The following KIF27 variants were observed in gnomAD, a reference collection of about 807,000 sequenced individuals.
The protein encoded by KIF27 is kinesin-like protein KIF27.
In KIF27, 84 loss-of-function variants were observed where a neutral mutation model predicts 141.8. The observed-to-expected ratio is 0.59, with a 90% confidence interval of 0.50 to 0.71. The LOEUF is 0.71. KIF27 is among the 30% of genes least tolerant of loss of function. The probability of loss-of-function intolerance (pLI) is 0.00; values close to 1 mark genes in which losing one functional copy is unlikely to be tolerated. For synonymous variants in KIF27, 471 were observed against 569.5 expected, an observed-to-expected ratio of 0.83 and a Z score of 2.46; for missense variants, 1,306 against 1,628.4, an observed-to-expected ratio of 0.80 and a Z score of 3.41.
At chr9:83,902,180 CTAGA>C (rs1216556494) in intron 4 of KIF27, among the ~76,000 whole-genome samples, 5 of 151,918 alleles carry the variant, frequency 3.3e-5, no homozygotes, top group African/African-American at 9.7e-5. Flanking sequence ...ATATGTCTAG[CTAGA>C]TAGAGAAATA....
At chr9:83,919,534 G>C (rs1332394374) in intron 1 of KIF27, among the ~76,000 whole-genome samples, 1 of 151,682 alleles carries the variant, frequency 6.6e-6, no homozygotes, top group Non-Finnish European at 1.5e-5. Context: ...CAGACAACTA[G>C]ACTGAAATAA....
intron 9 of KIF27, among the ~76,000 whole-genome samples, chr9:83,885,717 G>C (rs1952042547): frequency 6.6e-6 from 1 of 152,018 alleles, no homozygotes; most frequent in South Asian, 2.1e-4. Context: ...CTGCAGCCTT[G>C]ACCTCTGGGG....
At chr9:83,889,596 C>T (rs1797536685) in intron 6 of KIF27, among the ~76,000 whole-genome samples, 2 of 151,180 alleles carry the variant, frequency 1.3e-5, no homozygotes, top group Admixed American at 6.6e-5. Context: ...CAAATGTACC[C>T]TCTTCCCCAT....
rs2780136 is a variant in KIF27, at chr9:83,835,879, G to A, written c.*1122C>T. Among the ~76,000 whole-genome samples the A allele has an allele frequency of 3.9e-5, 6 of 152,126 alleles. No homozygotes were observed. The highest frequency in any genetic ancestry group is 8.8e-5 in the Non-Finnish European group (6 of 68,028). ...GGAAAAGTAACAAAGAACAACATAA[G>A]TAACAAAATAATTCCTCAGGTCATT... On this transcript the variant is annotated 3_prime_UTR_variant, in exon 18 of 18. Transcript: ENST00000297814.
intron 4 of KIF27, among the ~76,000 whole-genome samples, 189 bp from the exon 5 acceptor site, chr9:83,899,993 C>T (rs1033558737): frequency 3.9e-5 from 6 of 152,162 alleles, no homozygotes; most frequent in African/African-American, 1.4e-4. Context: ...ATTGCTATAA[C>T]ACAGGAATTC....
chr9:83,908,448 T>C lies in KIF27; in HGVS notation c.499+4A>G, dbSNP rs749731090. ...AAGGCAACTGATTAAGTGTGCTACTTTACCTGTGTTTCCTTTTTCATCTTC... is the reference window on the plus strand; with the variant it reads ...AAGGCAACTGATTAAGTGTGCTACTCTACCTGTGTTTCCTTTTTCATCTTC... On this transcript the variant is annotated splice_donor_region_variant and intron_variant, in intron 3 of 17. Coordinates refer to ENST00000297814, the MANE Select transcript of KIF27 (RefSeq NM_017576.4). The C allele has an allele frequency of 3.1e-6, 5 of 1,590,540 alleles. No homozygotes were observed. The highest frequency in any genetic ancestry group is 3.4e-6 in the Non-Finnish European group (4 of 1,162,624).
At chr9:83,912,798 C>G (rs899033005) in intron 2 of KIF27, among the ~76,000 whole-genome samples, 2 of 151,906 alleles carry the variant, frequency 1.3e-5, no homozygotes, top group African/African-American at 4.8e-5. Flanking sequence ...AAGGCTATAC[C>G]TTGTAAAGGT....
chr9:83,895,059 G>A (rs1208854425), intron 5 of KIF27, among the ~76,000 whole-genome samples: 2 of 151,160 alleles, frequency 1.3e-5, no homozygotes, highest in African/African-American at 4.9e-5. Context: ...AGACCATCCT[G>A]GCTAACACAG....
rs748179128 is a variant in KIF27, at chr9:83,837,344, G to A, written c.3863C>T (p.Thr1288Ile). ...CCAGAGCTTTTGAGGATTTGGCTGT[G>A]TTCTTAAGCTGCTTGCTGAACTGTC... ...EMDSSASSLR[T>I]QPNPQKLWED... The change falls in exon 18 of 18, where the codon ACA becomes ATA. Residue 1288 changes from threonine to isoleucine, a missense_variant. Transcript: ENST00000297814. 3 of 1,609,384 alleles carry A rather than the reference G, an allele frequency of 1.9e-6. No individual in the cohort carries two copies. The highest frequency in any genetic ancestry group is 4.5e-5 in the East Asian group (2 of 44,830).
chr9:83,866,690 A>T (rs1950379011), intron 13 of KIF27, among the ~76,000 whole-genome samples: 1 of 152,086 alleles, frequency 6.6e-6, no homozygotes, highest in Non-Finnish European at 1.5e-5. Context: ...AGTCTGACCA[A>T]TATGGTGAAA....
chr9:83,885,948 T>TG (rs1394499844), intron 9 of KIF27, among the ~76,000 whole-genome samples: 1 of 111,494 alleles, frequency 9.0e-6, no homozygotes, highest in African/African-American at 5.0e-5. Context: ...TTTTTTGTGT[T>TG]GTTTTTTTTT....
intron 11 of KIF27, among the ~76,000 whole-genome samples, chr9:83,875,467 CA>C (rs2132118644): frequency 6.6e-6 from 1 of 152,162 alleles, no homozygotes; most frequent in South Asian, 2.1e-4. Context: ...GGTTGGAGCT[CA>C]AAGAACAGAC....
chr9:83,846,359 T>C (rs1399072329), intron 16 of KIF27, among the ~76,000 whole-genome samples: 1 of 152,180 alleles, frequency 6.6e-6, no homozygotes, highest in Non-Finnish European at 1.5e-5. Flanking sequence ...TCCACTGTCA[T>C]GGTATTCCAC....
chr9:83,851,284 C>A (rs1948554872), intron 15 of KIF27, among the ~76,000 whole-genome samples: 3 of 152,144 alleles, frequency 2.0e-5, no homozygotes, highest in South Asian at 2.1e-4. Context: ...CTTGAAACAT[C>A]TAGACAATTC....
rs777012575 is a variant in KIF27, at chr9:83,903,682, C to T, written c.836G>A (p.Ser279Asn). Residue 279 changes from serine (S) to asparagine (N), a missense_variant, in exon 4 of 18, where the codon AGC (serine) becomes AAC (asparagine). By Grantham distance (46) the Ser-to-Asn change is conservative (BLOSUM62 1). Around this residue, in one of 4 missense-constraint regions of KIF27, gnomAD observed 533 missense variants for 565.6 expected, o/e 0.94. Coordinates refer to ENST00000297814, the MANE Select transcript of KIF27 (RefSeq NM_017576.4). ...SGLLALGNVI[S>N]ALGDPRRKSS... ...CTTCCTGCGTGGGTCCCCAAGAGCG[C>T]TTATTACATTTCCTAAAGCCAGCAA... 1 of 1,614,130 alleles carries T rather than the reference C, an allele frequency of 6.2e-7. No individual in the cohort carries two copies. The highest frequency in any genetic ancestry group is 2.2e-5 in the East Asian group (1 of 44,892).
chr9:83,837,983 C>G (rs1026695966), intron 17 of KIF27: 4 of 154,018 alleles, frequency 2.6e-5, no homozygotes, highest in African/African-American at 9.6e-5. Flanking sequence ...TGAATGTACT[C>G]TGGGGTGTGC....
In KIF27 at chr9:83,903,621, G is replaced by C; in HGVS notation, c.897C>G (p.Thr299=). 2 of 1,614,104 alleles carry C rather than the reference G, an allele frequency of 1.2e-6. No individual in the cohort carries two copies. The highest frequency in any genetic ancestry group is 2.2e-5 in the East Asian group (1 of 44,880). The change falls in exon 4 of 18, where the codon ACC becomes ACG. Residue 299 remains threonine (T), a synonymous_variant. Transcript: ENST00000297814. ...SHIPYRDAKI[T]RLLKDSLGGS... is the part of the protein sequence containing the mutation. ...CTCCCAGAGAATCTTTCAGAAGCCGGGTAATTTTAGCATCCCTATATGGAA... is the reference window on the plus strand; with the variant it reads ...CTCCCAGAGAATCTTTCAGAAGCCGCGTAATTTTAGCATCCCTATATGGAA...
Position 83,903,312 on chromosome 9 carries a change from A to G in KIF27, c.1206T>C (p.Ala402=). The change falls in exon 4 of 18, where the codon GCT becomes GCC. Residue 402 remains alanine, a synonymous_variant. Coordinates refer to ENST00000297814, the MANE Select transcript of KIF27 (RefSeq NM_017576.4). ...NRIHSLEEQV[A]QLQGECLGYQ... ...AACCCAGACATTCTCCTTGAAGCTG[A>G]GCTACTTGCTCCTCAAGAGAATGAA... 2 of 1,614,196 alleles carry G rather than the reference A, an allele frequency of 1.2e-6. No homozygotes were observed.
At chr9:83,855,383 C>T (rs1949085201) in intron 14 of KIF27, among the ~76,000 whole-genome samples, 1 of 152,242 alleles carries the variant, frequency 6.6e-6, no homozygotes, top group African/African-American at 2.4e-5. Context: ...GTTCACCAGC[C>T]ATTCTATTTC....
Sources: gnomAD v4.1 joint callset for allele counts (sites outside exome capture counted in the v4.1 genomes callset) on GRCh38, gnomAD v4.1.1 for gene constraint, gnomAD v4.1.1 regional missense constraint, MANE v1.5 for transcripts, NCBI Gene and HGNC (gene_info 2026-07-23, HGNC 2026-07-21) for gene names.